The following SERPINB4 variants were observed in gnomAD, a reference collection of about 807,000 sequenced individuals.
The protein encoded by SERPINB4 is serpin B4.
A neutral mutation model predicts 33.2 loss-of-function variants in SERPINB4; 39 were observed. The observed-to-expected ratio is 1.18, with a 90% CI of 0.91 to 1.53. The LOEUF (loss-of-function observed/expected upper bound fraction) is 1.53. Among genes scored for constraint, SERPINB4 ranks in the 40% most tolerant of loss-of-function variants. SERPINB4 has a pLI of 0.00. For missense variants in SERPINB4, 564 were observed against 455.4 expected (o/e 1.24, Z -2.17); for synonymous variants, 191 against 166.4 (o/e 1.15, Z -1.14).
rs1912997744 is a variant in SERPINB4 at position 63,638,074 on chromosome 18, T to C, written c.818A>G (p.Gln273Arg). ...ATCGACACATGTCTCTCTCATATTC[T>C]GCAAACTTGTCCATTCCATCAATTT... The part of the protein sequence containing the change: ...AEKLMEWTSL[Q>R]NMRETCVDLH... Residue 273 changes from glutamine to arginine, a missense_variant, in exon 8 of 8, where the codon CAG becomes CGG. Gln to Arg is a conservative substitution (Grantham distance 43). Transcript: ENST00000341074. The C allele has an allele frequency of 6.2e-7, 1 of 1,613,458 alleles. No homozygotes were observed.
In SERPINB4 at chr18:63,637,530, A is replaced by G. The variant is rs1446312262; in HGVS notation, c.*189T>C. The G allele has an allele frequency of 3.5e-6, 2 of 569,884 alleles. No homozygotes were observed. The highest frequency in any genetic ancestry group is 5.8e-6 in the Non-Finnish European group (2 of 345,036). The allele number at this position is 569,884 out of a possible 1,614,324, so 35.3% of individuals were successfully genotyped here. A position where few individuals can be genotyped will look rare whatever the true frequency, so the allele number is the denominator to read the frequency against. ...TTTCTGGAAGGAAAAGTACATTTAT[A>G]TGTGGGCTTATTAAGAGAAAGAGAG... On this transcript the variant is annotated 3_prime_UTR_variant, in exon 8 of 8. Coordinates refer to ENST00000341074, the MANE Select transcript of SERPINB4 (RefSeq NM_002974.4).
At chr18:63,639,555 T>C in intron 6 of SERPINB4, 79 bp downstream of exon 6, 1 of 1,104,760 alleles carries the variant, frequency 9.1e-7, no homozygotes, top group Non-Finnish European at 1.3e-6. Context: ...TTTTTACTTA[T>C]CATGTTACAT....
rs750411524 is a variant in SERPINB4 at position 63,643,484 on chromosome 18, T to G, written c.94A>C (p.Ile32Leu). Residue 32 changes from isoleucine (I) to leucine (L), a missense_variant, in exon 2 of 8, where the codon ATC becomes CTC. Physicochemically the swap from Ile to Leu is conservative, Grantham distance 5 (BLOSUM62 2). Coordinates refer to ENST00000341074, the MANE Select transcript of SERPINB4 (RefSeq NM_002974.4). ...SKENNIFYSP[I>L]SITSALGMVL... ...ATCCCTAATGCTGATGTGATGCTGA[T>G]AGGGGAATAGAAGATGTTGTTCTCT... 24 of 1,613,758 alleles carry G rather than the reference T, an allele frequency of 1.5e-5. No individual in the cohort carries two copies. In the East Asian group the frequency reaches 5.3e-4, roughly 36 times the overall value.
chr18:63,637,803 G>A lies in SERPINB4; in HGVS notation c.1089C>T (p.Phe363=), dbSNP rs1457038884. Residue 363 remains phenylalanine, a synonymous_variant, in exon 8 of 8, where the codon TTC becomes TTT. Transcript: ENST00000341074. ...AGAATAGGAAAGGGTGATTACAACA[G>A]AACTCTTCATTAGTTGAAGGAGATG... ...ELSSPSTNEE[F]CCNHPFLFFI... 1.9e-6 allele frequency: 3 copies of A among 1,613,484 alleles called. No individual in the cohort carries two copies. The highest frequency in any genetic ancestry group is 2.5e-6 in the Non-Finnish European group (3 of 1,179,644).
At position 63,637,801 on chromosome 18, in the gene SERPINB4, C is replaced by T. The variant is rs748792884; in HGVS notation, c.1091G>A (p.Cys364Tyr). 11 of 1,613,348 alleles carry T rather than the reference C, an allele frequency of 6.8e-6. No homozygotes were observed. Among genetic ancestry groups the T allele is most frequent in the African/African-American group, 6.7e-5 (5 of 74,814 alleles). Residue 364 changes from cysteine to tyrosine, a missense_variant, in exon 8 of 8, where the codon TGT becomes TAT. By Grantham distance (194) the Cys-to-Tyr change is radical. Transcript: ENST00000341074. The stretch of plus-strand genomic sequence containing the variant: ...GAAGAATAGGAAAGGGTGATTACAA[C>T]AGAACTCTTCATTAGTTGAAGGAGA... ...LSSPSTNEEF[C>Y]CNHPFLFFIR...
At chr18:63,643,752 C>T (rs1007202985) in intron 1 of SERPINB4, 149 bp from the exon 2 acceptor site, 2 of 845,896 alleles carry the variant, frequency 2.4e-6, no homozygotes, top group Non-Finnish European at 3.6e-6. Context: ...AATCTTTCTA[C>T]AATGTGCATA....
rs773407972 is a variant in SERPINB4, at chr18:63,643,549, TTGG to T, written c.26_28del (p.Thr9del). The T allele has an allele frequency of 1.9e-6, 3 of 1,613,628 alleles. No homozygotes were observed. Among genetic ancestry groups the T allele is most frequent in the Non-Finnish European group, 1.7e-6 (2 of 1,179,644 alleles). Reference sequence around the variant, plus strand: ...CTGTTGGAACAGATCGAACATGAACTTGGTGTTGGCTTCACTGAGTGAATTCAT... The same window carrying T: ...CTGTTGGAACAGATCGAACATGAACTTGTTGGCTTCACTGAGTGAATTCAT... On this transcript the variant is annotated inframe_deletion, in exon 2 of 8. Transcript: ENST00000341074.
chr18:63,637,917 T>C lies in SERPINB4; in HGVS notation c.975A>G (p.Val325=), dbSNP rs372085800. 276 of 1,613,516 alleles carry C rather than the reference T, an allele frequency of 1.7e-4. 1 individual carries two copies. Among genetic ancestry groups the C allele is most frequent in the Admixed American group, 2.7e-4 (16 of 59,858 alleles). ...CAAAGGCCTTGTGTAGGACTTTAGA[T>C]ACTGAGAGACCGTGGCTCCAGGTCA... ...SGMTWSHGLS[V]SKVLHKAFVE... The change falls in exon 8 of 8, where the codon GTA becomes GTG. Residue 325 remains valine, a synonymous_variant. Transcript: ENST00000341074.
chr18:63,637,810 T>G lies in SERPINB4; in HGVS notation c.1082A>C (p.Glu361Ala). The stretch of plus-strand genomic sequence containing the variant: ...GAAAGGGTGATTACAACAGAACTCT[T>G]CATTAGTTGAAGGAGATGATAATTC... ...VVELSSPSTN[E>A]EFCCNHPFLF... is the part of the protein sequence containing the mutation. The change falls in exon 8 of 8, where the codon GAA becomes GCA. Residue 361 changes from glutamate to alanine, a missense_variant. Glu to Ala is a moderately radical substitution (Grantham distance 107, BLOSUM62 -1). Transcript: ENST00000341074. The G allele has an allele frequency of 6.2e-7, 1 of 1,613,530 alleles. No individual in the cohort carries two copies. Among genetic ancestry groups the G allele is most frequent in the Non-Finnish European group, 8.5e-7 (1 of 1,179,694 alleles).
chr18:63,641,410 A>C (rs1913125795), intron 4 of SERPINB4, among the ~76,000 whole-genome samples: 2 of 152,106 alleles, frequency 1.3e-5, no homozygotes. Flanking sequence ...AAGCCTGCCC[A>C]TTCCAATAAT....
At chr18:63,638,967 T>C (rs1444752691) in intron 7 of SERPINB4, among the ~76,000 whole-genome samples, 2 of 151,954 alleles carry the variant, frequency 1.3e-5, no homozygotes, top group Non-Finnish European at 2.9e-5. Context: ...ATTATAATAA[T>C]AATAATAAAA....
At chr18:63,638,269 T>G (rs1210347922) in intron 7 of SERPINB4, 146 bp from the exon 8 acceptor site, 2 of 903,786 alleles carry the variant, frequency 2.2e-6, no homozygotes, top group Non-Finnish European at 3.3e-6. Context: ...ATTATTCTAA[T>G]AGGTAAAATA....
rs1421549812 is a variant in SERPINB4 at position 63,637,864 on chromosome 18, G to T, written c.1028C>A (p.Ala343Asp). Residue 343 changes from alanine (A) to aspartate (D), a missense_variant, in exon 8 of 8, where the codon GCT becomes GAT. Transcript: ENST00000341074. ...FVEVTEEGVE[A>D]AAATAVVVVE... ...TACTACTACAGCGGTGGCAGCTGCA[G>T]CTTCCACTCCCTCCTCAGTGACCTC... is the stretch of plus-strand genomic sequence containing the variant. 1 of 1,613,438 alleles carries T rather than the reference G, an allele frequency of 6.2e-7. No individual in the cohort carries two copies. The highest frequency in any genetic ancestry group is 2.2e-5 in the East Asian group (1 of 44,860).
At chr18:63,642,697 A>T (rs984831421) in intron 3 of SERPINB4, among the ~76,000 whole-genome samples, 1 of 152,090 alleles carries the variant, frequency 6.6e-6, no homozygotes, top group African/African-American at 2.4e-5. Context: ...AAATTAAATT[A>T]TTTTCACATT....
intron 6 of SERPINB4, 126 bp from the exon 7 acceptor site, chr18:63,639,466 C>A (rs1913051841): frequency 1.8e-6 from 2 of 1,111,842 alleles, no homozygotes; most frequent in African/African-American, 1.6e-5. Flanking sequence ...GAGTTAGAAA[C>A]AATAGTTTTT....
Position 63,643,191 on chromosome 18 carries a change from C to G in SERPINB4, c.192G>C (p.Glu64Asp), listed in dbSNP as rs758251890. 43 of 1,613,174 alleles carry G rather than the reference C, an allele frequency of 2.7e-5. No individual in the cohort carries two copies. Among genetic ancestry groups the G allele is most frequent in the Admixed American group, 3.3e-5 (2 of 59,858 alleles). Residue 64 changes from glutamate to aspartate, a missense_variant, in exon 3 of 8, where the codon GAG becomes GAC. Transcript: ENST00000341074. Reference sequence around the variant, plus strand: ...ATGTTGCAGCTTTTTCTGTGGTGTTCTCTGTGACTTGATCAAAGTGAAGAA... The same window carrying G: ...ATGTTGCAGCTTTTTCTGTGGTGTTGTCTGTGACTTGATCAAAGTGAAGAA... ...SKVLHFDQVT[E>D]NTTEKAATYH...
rs903686443 is a variant in SERPINB4, at chr18:63,643,292, G to A, written c.166-75C>T. The A allele has an allele frequency of 7.2e-5, 116 of 1,611,846 alleles. No individual in the cohort carries two copies. In the Middle Eastern group the frequency reaches 9.9e-4, roughly 14 times the overall value. On this transcript the variant is annotated intron_variant, in intron 2 of 7. Coordinates refer to ENST00000341074, the MANE Select transcript of SERPINB4 (RefSeq NM_002974.4). ...TTAAGTCAGTGGTCTCACAGTTATG[G>A]GAATTCCTGCACAGCCCCCTGTGCT... is the stretch of plus-strand genomic sequence containing the variant.
rs767633755 is a variant in SERPINB4, at chr18:63,643,405, A to G, written c.165+8T>C. The G allele has an allele frequency of 6.2e-7, 1 of 1,613,612 alleles. No homozygotes were observed. Among genetic ancestry groups the G allele is most frequent in the South Asian group, 1.1e-5 (1 of 91,054 alleles). ...GCAACAGGACAACGTAATGATGCTG[A>G]TAGCTACCTTGCTAATTTGTTGTGC... On this transcript the variant is annotated splice_region_variant and intron_variant, in intron 2 of 7. Transcript: ENST00000341074.
rs2144459869 is a variant in SERPINB4, at chr18:63,637,603, A to T, written c.*116T>A. ...TAAATTCTTGATGATGACTATCATC[A>T]TCAAGATGAGATAGAAAAGAAATAT... is the stretch of plus-strand genomic sequence containing the variant. On this transcript the variant is annotated 3_prime_UTR_variant, in exon 8 of 8. Coordinates refer to ENST00000341074, the MANE Select transcript of SERPINB4 (RefSeq NM_002974.4). 9.2e-7 allele frequency: 1 copy of T among 1,082,056 alleles called. No individual in the cohort carries two copies. Among genetic ancestry groups the T allele is most frequent in the Non-Finnish European group, 1.3e-6 (1 of 751,726 alleles). The allele number at this position is 1,082,056 out of a possible 1,614,324, so 67.0% of individuals were successfully genotyped here. A position where few individuals can be genotyped will look rare whatever the true frequency, so the allele number is the denominator to read the frequency against.
Sources: allele counts gnomAD v4.1 joint callset (sites outside exome capture counted in the v4.1 genomes callset), GRCh38; gene constraint gnomAD v4.1.1; transcripts MANE v1.5; gene names NCBI Gene and HGNC (gene_info 2026-07-23, HGNC 2026-07-21).